Variants in CEP162 observed in about 807,000 individuals in gnomAD.
CEP162 encodes centrosomal protein of 162 kDa.
A neutral mutation model predicts 169.2 loss-of-function variants in CEP162; 141 were observed. That is an observed-to-expected ratio of 0.83 (90% confidence interval 0.73 to 0.96). The LOEUF is 0.96. CEP162 is among the 40% of genes least tolerant of loss of function. The pLI is 0.00. For missense variants in CEP162, 1,600 were observed against 1,587.2 expected (o/e 1.01, Z -0.14); for synonymous variants, 540 against 526.4 (o/e 1.03, Z -0.35).
intron 10 of CEP162, among the ~76,000 whole-genome samples, chr6:84,194,455 C>CT (rs1161034049): frequency 0.01 from 1,441 of 137,264 alleles, 22 homozygotes; most frequent in African/African-American, 0.032. Context: ...TTGAAAAAAT[C>CT]TTTTTTTTTT....
At chr6:84,197,866 A>C (rs1003029099) in intron 9 of CEP162, among the ~76,000 whole-genome samples, 1 of 151,996 alleles carries the variant, frequency 6.6e-6, no homozygotes, top group Non-Finnish European at 1.5e-5. Flanking sequence ...AGAAGTGCTA[A>C]ATACTGTTTT....
At chr6:84,129,381 C>T (rs144672782) in intron 25 of CEP162, among the ~76,000 whole-genome samples, 6,682 of 152,280 alleles carry the variant, frequency 0.044, 478 homozygotes, top group African/African-American at 0.15. Flanking sequence ...GATCGCCATT[C>T]TAACTGGCAT....
At chr6:84,198,546 C>T (rs906208192) in intron 9 of CEP162, among the ~76,000 whole-genome samples, 9 of 152,122 alleles carry the variant, frequency 5.9e-5, no homozygotes, top group Admixed American at 5.2e-4. Context: ...TCCTAAAGTG[C>T]TGGGATTACA....
intron 13 of CEP162, 137 bp from the exon 14 acceptor site, chr6:84,175,484 A>C (rs1588797226): frequency 1.8e-6 from 1 of 564,192 alleles, no homozygotes; most frequent in East Asian, 3.3e-5. Flanking sequence ...ACTACACTAT[A>C]ACACAGCTGT....
chr6:84,136,368 A>G (rs534290119), intron 25 of CEP162, among the ~76,000 whole-genome samples: 1 of 152,334 alleles, frequency 6.6e-6, no homozygotes, highest in African/African-American at 2.4e-5. Context: ...GCATTAACCC[A>G]TGACAGAAGG....
intron 25 of CEP162, among the ~76,000 whole-genome samples, chr6:84,143,515 G>A (rs190418459): frequency 4.6e-5 from 7 of 151,952 alleles, no homozygotes; most frequent in South Asian, 2.1e-4. Context: ...ATGTGTTTTC[G>A]TTAAGGGAAA....
intron 21 of CEP162, among the ~76,000 whole-genome samples, chr6:84,157,746 T>G (rs2099523811): frequency 6.6e-6 from 1 of 152,170 alleles, no homozygotes; most frequent in African/African-American, 2.4e-5. Flanking sequence ...TCCTCTTTTT[T>G]CCAGACTCCC....
chr6:84,134,033 C>T (rs1281669972), intron 25 of CEP162, among the ~76,000 whole-genome samples: 1 of 152,226 alleles, frequency 6.6e-6, no homozygotes, highest in Non-Finnish European at 1.5e-5. Context: ...ACTGGGGCTG[C>T]TGCCTTTAAG....
rs567938266 is a variant in CEP162 at position 84,223,950 on chromosome 6, T to C, written c.57+2387A>G. 2.6e-5 allele frequency among the ~76,000 whole-genome samples: 4 copies of C among 151,762 alleles called. No homozygotes were observed. In the East Asian group the frequency reaches 7.7e-4, roughly 29 times the overall value. On this transcript the variant is annotated intron_variant, in intron 2 of 26. Coordinates refer to ENST00000403245, the MANE Select transcript of CEP162 (RefSeq NM_014895.4). ...TTGGAACTCTGATAAACTAATACAC[T>C]ACTAGTGGAAATGTAAAATAACACA...
At chr6:84,194,787 A>C (rs2099541432) in intron 10 of CEP162, 97 bp downstream of exon 10, 2 of 1,002,844 alleles carry the variant, frequency 2.0e-6, no homozygotes, top group African/African-American at 3.3e-5. Context: ...GAGACTGAGA[A>C]ACAATCACTA....
Position 84,152,724 on chromosome 6 carries a change from G to C in CEP162, c.3450C>G (p.Phe1150Leu), listed in dbSNP as rs974242418. The C allele has an allele frequency of 1.2e-6, 2 of 1,613,188 alleles. No individual in the cohort carries two copies. Among genetic ancestry groups the C allele is most frequent in the African/African-American group, 1.3e-5 (1 of 75,010 alleles). ...ACAGCTTGCTGTCCAGGGTTCCAGGGAAGGAGTTAGCATTTCCTTTACTTG... is the reference window on the plus strand; with the variant it reads ...ACAGCTTGCTGTCCAGGGTTCCAGGCAAGGAGTTAGCATTTCCTTTACTTG... Reference protein sequence around the residue: ...LHSSKGNANSFPGTLDSKLYQ... With the variant: ...LHSSKGNANSLPGTLDSKLYQ... The change falls in exon 23 of 27, where the codon TTC becomes TTG. Residue 1150 changes from phenylalanine to leucine, a missense_variant. By Grantham distance (22) the Phe-to-Leu change is conservative (BLOSUM62 0). Transcript: ENST00000403245.
chr6:84,174,757 C>A lies in CEP162; in HGVS notation c.1995G>T (p.Leu665Phe). Reference protein sequence around the residue: ...KKQQEKELFKLNQDNYILQAK... With the variant: ...KKQQEKELFKFNQDNYILQAK... ...CTTGAAGAATATAATTATCTTGATT[C>A]AATTTGAAGAGTTCTTTTTCCTGTT... Residue 665 changes from leucine to phenylalanine, a missense_variant, in exon 15 of 27, where the codon TTG becomes TTT. Leu to Phe is a conservative substitution (Grantham distance 22). Coordinates refer to ENST00000403245, the MANE Select transcript of CEP162 (RefSeq NM_014895.4). The A allele has an allele frequency of 6.6e-7, 1 of 1,522,642 alleles. No individual in the cohort carries two copies. Among genetic ancestry groups the A allele is most frequent in the South Asian group, 1.2e-5 (1 of 85,446 alleles). The allele number at this position is 1,522,642 out of a possible 1,614,324, so 94.3% of individuals were successfully genotyped here.
At chr6:84,211,039 A>G (rs927490971) in intron 6 of CEP162, among the ~76,000 whole-genome samples, 10 of 152,166 alleles carry the variant, frequency 6.6e-5, no homozygotes, top group Admixed American at 2.6e-4. Context: ...AAATTACTAG[A>G]CTTCTAAGAG....
intron 20 of CEP162, 62 bp from the exon 21 acceptor site, chr6:84,160,978 G>A: frequency 8.6e-7 from 1 of 1,164,458 alleles, no homozygotes; most frequent in Non-Finnish European, 1.3e-6. Context: ...AGCTCCAAGG[G>A]GAAAGCATAA....
At chr6:84,156,799 A>G (rs1354487993) in intron 21 of CEP162, among the ~76,000 whole-genome samples, 2 of 151,608 alleles carry the variant, frequency 1.3e-5, no homozygotes, top group Non-Finnish European at 2.9e-5. Flanking sequence ...ATAGAAGAGA[A>G]TAAAAGCATG....
intron 13 of CEP162, among the ~76,000 whole-genome samples, chr6:84,183,293 C>T (rs1301338131): frequency 6.6e-6 from 1 of 152,040 alleles, no homozygotes; most frequent in Non-Finnish European, 1.5e-5. Context: ...ATTTCTTTTT[C>T]ACTCACTGTG....
chr6:84,149,401 TATC>T (rs2099520286), intron 24 of CEP162, among the ~76,000 whole-genome samples, 158 bp downstream of exon 24: 1 of 152,006 alleles, frequency 6.6e-6, no homozygotes, highest in East Asian at 1.9e-4. Context: ...TATATAGTAT[TATC>T]TTCTTTAAAA....
intron 25 of CEP162, among the ~76,000 whole-genome samples, chr6:84,133,255 G>A (rs1385360453): frequency 2.0e-5 from 3 of 152,206 alleles, no homozygotes; most frequent in Non-Finnish European, 4.4e-5. Context: ...GCTGTATGAG[G>A]TGTCAGTTGG....
chr6:84,194,966 T>A lies in CEP162; in HGVS notation c.945A>T (p.Thr315=), dbSNP rs1351745996. ...DEDKQKIESN[T]VEDIKSSVKG... Reference sequence around the variant, plus strand: ...TCACTGAGCTCTTGATATCTTCCACTGTGTTACTCTCAATTTTTTGTTTGT... The same window carrying A: ...TCACTGAGCTCTTGATATCTTCCACAGTGTTACTCTCAATTTTTTGTTTGT... The change falls in exon 10 of 27, where the codon ACA becomes ACT. Residue 315 remains threonine (T), a synonymous_variant. Transcript: ENST00000403245. 3 of 1,613,538 alleles carry A rather than the reference T, an allele frequency of 1.9e-6. No homozygotes were observed. The African/African-American group carries it at 4.0e-5, about 22-fold the overall frequency.
Sources: allele counts gnomAD v4.1 joint callset (sites outside exome capture counted in the v4.1 genomes callset), GRCh38; gene constraint gnomAD v4.1.1; transcripts MANE v1.5; gene names NCBI Gene and HGNC (gene_info 2026-07-23, HGNC 2026-07-21).